The following CHST15 variants were observed in gnomAD, a reference collection of about 807,000 sequenced individuals.
CHST15 encodes the protein B cell RAG associated protein (GALNAC4S-6ST).
In CHST15, 30 loss-of-function variants were observed where a neutral mutation model predicts 53.6. The ratio of observed to expected loss-of-function variants is 0.56; its 90% CI spans 0.42 to 0.76. The LOEUF (loss-of-function observed/expected upper bound fraction) is 0.76. Ranked by LOEUF, CHST15 falls within the 30% of genes least tolerant of loss-of-function variation. The pLI, the probability that CHST15 is intolerant of heterozygous loss-of-function variation, is 0.00. For missense variants in CHST15, 627 were observed against 740.5 expected, an observed-to-expected ratio of 0.85 and a Z score of 1.78; for synonymous variants, 296 against 289.8, an observed-to-expected ratio of 1.02 and a Z score of -0.22.
chr10:124,024,398 C>T lies in CHST15; in HGVS notation c.1191-2986G>A, dbSNP rs148059729. ...ATCCACGGCCAATGTCCACAGAGGA[C>T]ACCTCTTGGAAGTCTTGAGCAGTTT... On this transcript the variant is annotated intron_variant, in intron 5 of 7. Coordinates refer to ENST00000435907, the MANE Select transcript of CHST15 (RefSeq NM_001270764.2). The surrounding 1 kb of genome is among the most constrained non-coding windows in gnomAD (Gnocchi z 4.0). Among the ~76,000 whole-genome samples the T allele has an allele frequency of 1.0e-3, 156 of 152,264 alleles. No homozygotes were observed. The highest frequency in any genetic ancestry group is 3.6e-3 in the African/African-American group (150 of 41,544).
intron 5 of CHST15, among the ~76,000 whole-genome samples, chr10:124,034,628 CT>C (rs1947359145): frequency 7.1e-6 from 1 of 141,174 alleles, no homozygotes; most frequent in Non-Finnish European, 1.5e-5. Context: ...GGCTTCACCC[CT>C]GATAGGTACC....
intron 1 of CHST15, among the ~76,000 whole-genome samples, chr10:124,087,628 G>T (rs1304035039): frequency 2.6e-5 from 4 of 152,186 alleles, no homozygotes; most frequent in Non-Finnish European, 5.9e-5. Flanking sequence ...TTTCTTCAGA[G>T]ATCTAAGAGG....
At chr10:124,075,149 G>A (rs1949031964) in intron 1 of CHST15, among the ~76,000 whole-genome samples, 1 of 152,134 alleles carries the variant, frequency 6.6e-6, no homozygotes, top group Non-Finnish European at 1.5e-5. Flanking sequence ...AGCTTAATGG[G>A]GAAAATAAAT....
intron 6 of CHST15, among the ~76,000 whole-genome samples, chr10:124,015,230 C>T (rs961377570): frequency 3.9e-5 from 6 of 152,244 alleles, no homozygotes; most frequent in African/African-American, 1.4e-4. Flanking sequence ...TTCCCCTCAC[C>T]TTTTCCCGGT....
rs1019769164 is a variant in CHST15 at position 124,074,412 on chromosome 10, AGGGGC to A, written c.-513+19052_-513+19056del. Among the ~76,000 whole-genome samples, 70 of 152,344 alleles carry A rather than the reference AGGGGC, an allele frequency of 4.6e-4. 1 individual carries two copies. Among genetic ancestry groups the A allele is most frequent in the African/African-American group, 1.6e-3 (68 of 41,592 alleles). On this transcript the variant is annotated intron_variant, in intron 1 of 7. Coordinates refer to ENST00000435907, the MANE Select transcript of CHST15 (RefSeq NM_001270764.2). This position sits in a 1 kb window ranked among gnomAD's most constrained non-coding sequence, Gnocchi z 4.4. ...AAAGGGCACAATTCAGGTGGCAGGT[AGGGGC>A]GGGGGCCTAGTTGGGAGCATCGCCC...
intron 1 of CHST15, among the ~76,000 whole-genome samples, chr10:124,050,049 G>C (rs1361986975): frequency 2.0e-5 from 3 of 151,928 alleles, no homozygotes; most frequent in African/African-American, 7.3e-5. Context: ...TGGGGGTGGG[G>C]GCCTCTCTGA....
At chr10:124,029,102 G>T (rs76103651) in intron 5 of CHST15, among the ~76,000 whole-genome samples, 3 of 152,166 alleles carry the variant, frequency 2.0e-5, no homozygotes, top group Non-Finnish European at 4.4e-5. Context: ...GCTGGCATCC[G>T]AATTTAAATC....
chr10:124,020,447 C>T, intron 6 of CHST15: 1 of 985,510 alleles, frequency 1.0e-6, no homozygotes. Context: ...CCACCTGCTG[C>T]CCCTGCATGC....
chr10:124,034,957 A>G (rs1947397394), intron 5 of CHST15, among the ~76,000 whole-genome samples: 1 of 117,018 alleles, frequency 8.5e-6, no homozygotes, highest in African/African-American at 3.6e-5. Context: ...CCTAACAGGG[A>G]CCCTGGCTCT....
intron 6 of CHST15, among the ~76,000 whole-genome samples, chr10:124,014,614 C>T (rs112689878): frequency 0.022 from 3,301 of 152,340 alleles, 76 homozygotes; most frequent in South Asian, 0.099. Context: ...TTAAGTCACC[C>T]GCCTCCCGGG....
chr10:124,092,053 C>T (rs28690154), intron 1 of CHST15, among the ~76,000 whole-genome samples: 23,083 of 152,206 alleles, frequency 0.15, 2,226 homozygotes, highest in South Asian at 0.24. Context: ...CTGGAGGAGT[C>T]GGGAAGGTGC....
chr10:124,082,350 G>A (rs1949272456), intron 1 of CHST15, among the ~76,000 whole-genome samples: 1 of 152,102 alleles, frequency 6.6e-6, no homozygotes, highest in South Asian at 2.1e-4. Flanking sequence ...TGGCCTCTCT[G>A]GCCCTCAGCT....
chr10:124,062,216 T>G (rs1339614717), intron 1 of CHST15, among the ~76,000 whole-genome samples: 2 of 152,040 alleles, frequency 1.3e-5, no homozygotes. Flanking sequence ...AAAGGGACAA[T>G]GTGACCCCAG....
chr10:124,018,261 T>C (rs1946653865), intron 6 of CHST15, among the ~76,000 whole-genome samples: 1 of 152,242 alleles, frequency 6.6e-6, no homozygotes, highest in Non-Finnish European at 1.5e-5. Context: ...CCCCCAGCCA[T>C]GCTTTAAATT....
rs1947895054 is a variant in CHST15, at chr10:124,044,732, C to CCGTGCG, written c.728_733dup (p.Ala243_His244dup). On this transcript the variant is annotated inframe_insertion, in exon 3 of 8. Coordinates refer to ENST00000435907, the MANE Select transcript of CHST15 (RefSeq NM_001270764.2). Reference sequence around the variant, plus strand: ...CAGGCAGCGCAGGCGGAAGTGCTTCCCGTGCGCGTGCGCCAGGTGGCCCCA... The same window carrying CCGTGCG: ...CAGGCAGCGCAGGCGGAAGTGCTTCCCGTGCGCGTGCGCGTGCGCCAGGTGGCCCCA... 1.9e-6 allele frequency: 3 copies of CCGTGCG among 1,613,440 alleles called. No individual in the cohort carries two copies. Among genetic ancestry groups the CCGTGCG allele is most frequent in the African/African-American group, 2.7e-5 (2 of 74,900 alleles).
intron 6 of CHST15, among the ~76,000 whole-genome samples, chr10:124,014,516 A>G (rs1172555467): frequency 1.3e-5 from 2 of 152,204 alleles, no homozygotes; most frequent in Non-Finnish European, 2.9e-5. Context: ...GGCCGAAACT[A>G]AAGAGAAAAT....
intron 5 of CHST15, among the ~76,000 whole-genome samples, chr10:124,035,460 C>T (rs373979655): frequency 3.3e-5 from 5 of 150,226 alleles, no homozygotes; most frequent in African/African-American, 9.8e-5. Context: ...ACCCTGGTTC[C>T]ACCCCCTAAC....
intron 6 of CHST15, among the ~76,000 whole-genome samples, chr10:124,014,848 T>C (rs1367510628): frequency 3.3e-5 from 5 of 152,204 alleles, no homozygotes; most frequent in Admixed American, 2.0e-4. Context: ...TGAAACCTTG[T>C]TTGTGTCCAT....
chr10:124,020,740 T>G, intron 6 of CHST15: 1 of 1,025,288 alleles, frequency 9.8e-7, no homozygotes, highest in Non-Finnish European at 1.2e-6. Context: ...AACAGCTTTT[T>G]GCATTCAAAA....
Sources: allele counts gnomAD v4.1 joint callset (sites outside exome capture counted in the v4.1 genomes callset), GRCh38; gene constraint gnomAD v4.1.1; non-coding constraint Gnocchi (gnomAD v3.1); transcripts MANE v1.5; gene names NCBI Gene and HGNC (gene_info 2026-07-23, HGNC 2026-07-21).